Variants in KCNIP4 observed in about 807,000 individuals in gnomAD.
KCNIP4 encodes the protein potassium voltage-gated channel interacting protein 4.
In KCNIP4, 12 loss-of-function variants were observed where a neutral mutation model predicts 34.0. The ratio of observed to expected loss-of-function variants is 0.35; its 90% confidence interval spans 0.23 to 0.57. KCNIP4 has a LOEUF of 0.57. Ranked by LOEUF, KCNIP4 falls within the 20% of genes least tolerant of loss-of-function variation. KCNIP4 has a pLI of 0.83. For synonymous variants in KCNIP4, 124 were observed against 102.2 expected (o/e 1.21, Z -1.29); for missense variants, 238 against 311.7 (o/e 0.76, Z 1.78).
chr4:21,204,323 A>T (rs1445299504), intron 1 of KCNIP4, among the ~76,000 whole-genome samples: 1 of 152,090 alleles, frequency 6.6e-6, no homozygotes, highest in Non-Finnish European at 1.5e-5. Context: ...GACTTCCTTG[A>T]GACTTAGTTT....
intron 1 of KCNIP4, among the ~76,000 whole-genome samples, chr4:21,212,732 TTA>T (rs1185928614): frequency 6.6e-6 from 1 of 152,204 alleles, no homozygotes; most frequent in East Asian, 1.9e-4. Flanking sequence ...GAGGACTGTT[TTA>T]TAAAGTCACT....
intron 4 of KCNIP4, among the ~76,000 whole-genome samples, chr4:20,751,827 T>C (rs1342343373): frequency 6.6e-6 from 1 of 152,202 alleles, no homozygotes; most frequent in Non-Finnish European, 1.5e-5. Flanking sequence ...GACATCCTGT[T>C]CTTCTAAATG....
At chr4:21,211,213 T>A (rs906893816) in intron 1 of KCNIP4, among the ~76,000 whole-genome samples, 8 of 152,314 alleles carry the variant, frequency 5.3e-5, no homozygotes, top group African/African-American at 1.7e-4. Context: ...TCTAGAAATG[T>A]AAGTTATTAT....
In KCNIP4 at chr4:20,941,041, G is replaced by A. The variant is rs146791885; in HGVS notation, c.62-58332C>T. Among the ~76,000 whole-genome samples the A allele has an allele frequency of 1.6e-3, 240 of 152,252 alleles. 1 individual carries two copies. Among genetic ancestry groups the A allele is most frequent in the Admixed American group, 3.4e-3 (52 of 15,294 alleles). On this transcript the variant is annotated intron_variant, in intron 1 of 8. Coordinates refer to ENST00000382152, the MANE Select transcript of KCNIP4 (RefSeq NM_025221.6). ...TTACTCGGTATAATTATTTTGAGAC[G>A]ACATGAGTTAATGCTTTTAAAATAC...
chr4:21,003,380 T>C (rs189371611), intron 1 of KCNIP4, among the ~76,000 whole-genome samples: 3 of 152,306 alleles, frequency 2.0e-5, no homozygotes. Flanking sequence ...TTCCTTGAAG[T>C]ATGTAAGGCA....
chr4:21,693,145 C>G (rs1711874189), intron 1 of KCNIP4, among the ~76,000 whole-genome samples: 1 of 29,646 alleles, frequency 3.4e-5, no homozygotes, highest in African/African-American at 1.5e-4. Flanking sequence ...GGAATATAGC[C>G]TACCCACAGA....
chr4:21,842,601 A>G (rs1009004818), intron 1 of KCNIP4, among the ~76,000 whole-genome samples: 1 of 152,098 alleles, frequency 6.6e-6, no homozygotes, highest in Non-Finnish European at 1.5e-5. Flanking sequence ...TTTTAACACT[A>G]ATTTTTTAGA....
chr4:21,044,130 G>A (rs995937593), intron 1 of KCNIP4, among the ~76,000 whole-genome samples: 3 of 152,046 alleles, frequency 2.0e-5, no homozygotes, highest in Admixed American at 6.5e-5. Flanking sequence ...AGCAGCTCCT[G>A]GAAGGGGCAG....
intron 1 of KCNIP4, among the ~76,000 whole-genome samples, chr4:20,978,124 CTCATTG>C (rs1404016887): frequency 6.6e-6 from 1 of 152,220 alleles, no homozygotes; most frequent in African/African-American, 2.4e-5. Context: ...GACTCTGCAA[CTCATTG>C]TTGGTTATCT....
Position 20,916,983 on chromosome 4 carries a change from G to T in KCNIP4, c.62-34274C>A, listed in dbSNP as rs747395323. 4.2e-5 allele frequency among the ~76,000 whole-genome samples: 3 copies of T among 71,878 alleles called. 1 individual carries two copies. Among genetic ancestry groups the T allele is most frequent in the African/African-American group, 7.0e-5 (1 of 14,212 alleles). The allele number at this position is 71,878 out of a possible 152,430, so 47.2% of individuals were successfully genotyped here. A position where few individuals can be genotyped will look rare whatever the true frequency, so the allele number is the denominator to read the frequency against. The stretch of plus-strand genomic sequence containing the variant: ...GTTCTTCCACCATTGACCATCTTAT[G>T]TTTATATATATATATATATATATAT... On this transcript the variant is annotated intron_variant, in intron 1 of 8. Transcript: ENST00000382152.
chr4:20,736,186 G>T (rs183541537), intron 5 of KCNIP4, among the ~76,000 whole-genome samples: 2 of 152,110 alleles, frequency 1.3e-5, no homozygotes, highest in South Asian at 2.1e-4. Flanking sequence ...AGGAATTTTT[G>T]TGCATACACA....
At chr4:21,678,988 G>A (rs1197662231) in intron 1 of KCNIP4, among the ~76,000 whole-genome samples, 1 of 152,142 alleles carries the variant, frequency 6.6e-6, no homozygotes, top group Non-Finnish European at 1.5e-5. Flanking sequence ...CACACAGGGA[G>A]ATACCAGGAG....
intron 1 of KCNIP4, among the ~76,000 whole-genome samples, chr4:21,283,980 G>A (rs982088865): frequency 4.6e-5 from 7 of 152,070 alleles, no homozygotes; most frequent in Non-Finnish European, 8.8e-5. Context: ...TTGGGAGGCC[G>A]AGGTGGGCAG....
intron 1 of KCNIP4, among the ~76,000 whole-genome samples, chr4:21,248,401 A>C (rs1219857079): frequency 1.3e-5 from 2 of 152,170 alleles, no homozygotes. Context: ...ATTTGTGTTT[A>C]AATTCACACC....
intron 3 of KCNIP4, among the ~76,000 whole-genome samples, chr4:20,808,833 T>C (rs1430289322): frequency 6.6e-6 from 1 of 152,188 alleles, no homozygotes; most frequent in Admixed American, 6.5e-5. Context: ...TTGGAGCCAC[T>C]CTCCCCCATC....
chr4:20,881,489 T>G (rs1168568863), intron 2 of KCNIP4, among the ~76,000 whole-genome samples: 2 of 152,050 alleles, frequency 1.3e-5, no homozygotes, highest in Non-Finnish European at 2.9e-5. Context: ...CTTCTCTGTC[T>G]GATTCTAAGA....
chr4:21,167,642 A>G (rs932931545), intron 1 of KCNIP4, among the ~76,000 whole-genome samples: 3 of 152,224 alleles, frequency 2.0e-5, no homozygotes, highest in African/African-American at 7.2e-5. Context: ...CCCCTTAAAG[A>G]TTAGTTCACC....
intron 1 of KCNIP4, among the ~76,000 whole-genome samples, chr4:21,672,634 T>C (rs756492809): frequency 2.3e-4 from 35 of 152,254 alleles, no homozygotes; most frequent in Non-Finnish European, 4.1e-4. Context: ...GAAAGTATGA[T>C]AAGATTCCTT....
chr4:20,934,466 C>A (rs1730831358), intron 1 of KCNIP4, among the ~76,000 whole-genome samples: 1 of 152,144 alleles, frequency 6.6e-6, no homozygotes. Flanking sequence ...AATACCCTCC[C>A]AGTTTTCCTC....
Sources: gnomAD v4.1 joint callset for allele counts (sites outside exome capture counted in the v4.1 genomes callset) on GRCh38, gnomAD v4.1.1 for gene constraint, MANE v1.5 for transcripts, NCBI Gene and HGNC (gene_info 2026-07-23, HGNC 2026-07-21) for gene names.